The following NAAA variants were observed in gnomAD, a reference collection of about 807,000 sequenced individuals.
NAAA encodes N-acylethanolamine acid amidase.
NAAA carries 39 observed loss-of-function variants against 44.8 expected under a neutral mutation model. The observed-to-expected ratio is 0.87, with a 90% confidence interval of 0.67 to 1.14. The LOEUF (loss-of-function observed/expected upper bound fraction) is 1.14. Ranked by LOEUF, NAAA falls within the 50% of genes most tolerant of loss-of-function variation. NAAA has a pLI of 0.00. For synonymous variants in NAAA, 178 were observed against 191.3 expected, an observed-to-expected ratio of 0.93 and a Z score of 0.58; for missense variants, 460 against 467.8, an observed-to-expected ratio of 0.98 and a Z score of 0.15.
chr4:75,911,343 C>A, downstream of NAAA: 1 of 508,250 alleles, frequency 2.0e-6, no homozygotes, highest in Non-Finnish European at 3.9e-6. Flanking sequence ...CTGATGGGTT[C>A]TTCTTGCTCA....
At chr4:75,939,567 C>T (rs559786795) in intron 2 of NAAA, among the ~76,000 whole-genome samples, 1 of 151,994 alleles carries the variant, frequency 6.6e-6, no homozygotes. Flanking sequence ...AGGCGCCCAC[C>T]ACCACGCCTG....
Position 75,940,990 on chromosome 4 carries a change from G to A in NAAA, c.-41C>T, listed in dbSNP as rs1473330606. The A allele has an allele frequency of 2.8e-6, 4 of 1,434,266 alleles. No individual in the cohort carries two copies. The Admixed American group carries it at 1.1e-4, about 41-fold the overall frequency. The allele number at this position is 1,434,266 out of a possible 1,614,324, so 88.8% of individuals were successfully genotyped here. A position where few individuals can be genotyped will look rare whatever the true frequency, so the allele number is the denominator to read the frequency against. On this transcript the variant is annotated 5_prime_UTR_variant, in exon 1 of 11. Transcript: ENST00000286733. ...GGCCGCAACTTGGAGACCTGCAGCCGCTGTCGGAGCCCGGGTAAGCCGTGG... is the reference window on the plus strand; with the variant it reads ...GGCCGCAACTTGGAGACCTGCAGCCACTGTCGGAGCCCGGGTAAGCCGTGG...
intron 5 of NAAA, among the ~76,000 whole-genome samples, chr4:75,925,060 C>T (rs557205723): frequency 1.8e-4 from 27 of 151,884 alleles, no homozygotes; most frequent in Admixed American, 4.6e-4. Context: ...GGCACCATCT[C>T]GGCTCAATGC....
At chr4:75,921,163 C>A (rs1237040763) in intron 5 of NAAA, 40 bp from the exon 6 acceptor site, 16 of 1,529,390 alleles carry the variant, frequency 1.0e-5, no homozygotes, top group African/African-American at 1.4e-5. Flanking sequence ...ACCCCACCTG[C>A]AGTTGGGTCC....
At position 75,932,182 on chromosome 4, in the gene NAAA, T is replaced by C. The variant is rs1322020964; in HGVS notation, c.499-878A>G. ...AGGCGGAGGTTGCGGTGAACCGAGA[T>C]AGCGCCATCACACTCCAGCCTGGGC... On this transcript the variant is annotated intron_variant, in intron 3 of 10. Transcript: ENST00000286733. 3.3e-5 allele frequency among the ~76,000 whole-genome samples: 5 copies of C among 152,154 alleles called. No individual in the cohort carries two copies. In the East Asian group the frequency reaches 9.6e-4, roughly 29 times the overall value.
At chr4:75,934,971 CA>C (rs1442004132) in intron 3 of NAAA, 2 of 151,730 alleles carry the variant, frequency 1.3e-5, no homozygotes, top group Non-Finnish European at 2.9e-5. Context: ...CATTATAGAA[CA>C]ATGGAGAAAA....
At chr4:75,930,796 C>T (rs1000122753) in intron 4 of NAAA, among the ~76,000 whole-genome samples, 3 of 152,190 alleles carry the variant, frequency 2.0e-5, no homozygotes, top group Admixed American at 2.0e-4. Flanking sequence ...TACCCACTTA[C>T]TCCCATGCCA....
intron 9 of NAAA, chr4:75,917,024 C>G: frequency 2.8e-6 from 2 of 716,262 alleles, no homozygotes; most frequent in East Asian, 2.6e-4. Context: ...AAGTGATCCA[C>G]CCGCCTCGGC....
intron 10 of NAAA, among the ~76,000 whole-genome samples, 158 bp from the exon 11 acceptor site, chr4:75,914,496 C>T (rs1410830727): frequency 6.6e-6 from 1 of 151,746 alleles, no homozygotes; most frequent in Non-Finnish European, 1.5e-5. Flanking sequence ...TACCTCAGCT[C>T]CTGAGTAGTC....
At chr4:75,911,272 T>C (rs577550735), downstream of NAAA, 1 of 510,736 alleles carries the variant, frequency 2.0e-6, no homozygotes, top group East Asian at 5.2e-5. Flanking sequence ...CATCTGGATG[T>C]ATACGTGCAG....
At chr4:75,933,481 AG>A (rs1237907067) in intron 3 of NAAA, among the ~76,000 whole-genome samples, 4 of 152,132 alleles carry the variant, frequency 2.6e-5, no homozygotes, top group African/African-American at 4.8e-5. Context: ...GAAAATAAAA[AG>A]TAATTATATG....
chr4:75,937,194 G>A (rs1165049191), intron 2 of NAAA, among the ~76,000 whole-genome samples: 1 of 152,156 alleles, frequency 6.6e-6, no homozygotes, highest in Non-Finnish European at 1.5e-5. Context: ...GCCAAGGTGG[G>A]TGAATCATGA....
At chr4:75,916,778 CTTTTT>C (rs35739236) in intron 9 of NAAA, among the ~76,000 whole-genome samples, 76 of 76,982 alleles carry the variant, frequency 9.9e-4, no homozygotes, top group East Asian at 3.3e-3. Flanking sequence ...TTCATCACTT[CTTTTT>C]TTTTTTTTTT....
downstream of NAAA, among the ~76,000 whole-genome samples, chr4:75,913,434 T>C (rs888047246): frequency 2.6e-5 from 4 of 152,106 alleles, no homozygotes; most frequent in Non-Finnish European, 5.9e-5. Flanking sequence ...GACTGAGTGC[T>C]GCTTCAGGCA....
intron 9 of NAAA, chr4:75,917,134 G>A (rs1415466124): frequency 3.2e-6 from 3 of 935,856 alleles, no homozygotes; most frequent in Non-Finnish European, 3.8e-6. Flanking sequence ...CACAAAAGTA[G>A]TTTATTAACC....
chr4:75,921,862 AC>A (rs2149254436), intron 5 of NAAA, among the ~76,000 whole-genome samples: 1 of 152,196 alleles, frequency 6.6e-6, no homozygotes, highest in Non-Finnish European at 1.5e-5. Context: ...GTGTTCAGAC[AC>A]CCCGAGGGCG....
chr4:75,924,080 T>C (rs1043112855), intron 5 of NAAA, among the ~76,000 whole-genome samples: 1 of 152,212 alleles, frequency 6.6e-6, no homozygotes, highest in Non-Finnish European at 1.5e-5. Flanking sequence ...ACTCATTTTT[T>C]TGGGACTCCT....
chr4:75,925,602 T>C (rs937788), intron 5 of NAAA, 133 bp downstream of exon 5: 498,064 of 775,548 alleles, frequency 0.64, 164,266 homozygotes, highest in South Asian at 0.69. Context: ...AAGATTTATA[T>C]GCACTTTGCA....
intron 3 of NAAA, among the ~76,000 whole-genome samples, chr4:75,934,146 G>A (rs1186946560): frequency 6.6e-6 from 1 of 151,432 alleles, no homozygotes; most frequent in African/African-American, 2.4e-5. Context: ...TAGGCCTAAC[G>A]CCTGGGTTCT....
Sources: gnomAD v4.1 joint callset for allele counts (sites outside exome capture counted in the v4.1 genomes callset) on GRCh38, gnomAD v4.1.1 for gene constraint, MANE v1.5 for transcripts, NCBI Gene and HGNC (gene_info 2026-07-23, HGNC 2026-07-21) for gene names.